MAP4: variants seen among roughly 807,000 people sequenced by gnomAD.
MAP4 encodes the protein microtubule associated protein 4, also known as microtubule-associated protein 4.
A neutral mutation model predicts 170.2 loss-of-function variants in MAP4; 76 were observed. The ratio of observed to expected loss-of-function variants is 0.45; its 90% CI spans 0.37 to 0.54. The LOEUF (loss-of-function observed/expected upper bound fraction) is 0.54, where lower values mean the gene tolerates loss of function less well. Among genes scored for constraint, MAP4 ranks in the 20% least tolerant of loss-of-function variants. The pLI is 0.00. For missense variants in MAP4, 2,506 were observed against 2,748.0 expected (o/e 0.91, Z 1.97); for synonymous variants, 909 against 994.5 (o/e 0.91, Z 1.62).
intron 3 of MAP4, among the ~76,000 whole-genome samples, chr3:47,972,623 A>C (rs1047381927): frequency 7.9e-5 from 12 of 152,228 alleles, no homozygotes; most frequent in Admixed American, 7.9e-4. Flanking sequence ...GCGGTGGCTC[A>C]CGCCTGTAAT....
Position 47,858,490 on chromosome 3 carries a change from T to A in MAP4, c.6502-978A>T, listed in dbSNP as rs886790614. On this transcript the variant is annotated intron_variant, in intron 17 of 20. Transcript: ENST00000683076. ...AATATCCCCTTTATTCCATCTCAAA[T>A]CCTTACCTATCAACTCCTTGCCCAG... Among the ~76,000 whole-genome samples the A allele has an allele frequency of 5.3e-5, 8 of 152,002 alleles. No homozygotes were observed. In the East Asian group the frequency reaches 1.5e-3, roughly 29 times the overall value.
chr3:47,946,689 A>G (rs955222865), intron 3 of MAP4, among the ~76,000 whole-genome samples: 23 of 150,078 alleles, frequency 1.5e-4, no homozygotes, highest in African/African-American at 5.6e-4. Flanking sequence ...AGAAGCAACT[A>G]TTAACAATTA....
chr3:47,912,129 T>G lies in MAP4; in HGVS notation c.2292A>C (p.Thr764=), dbSNP rs937376516. ...LGREAWDIES[T]PIMMKKKKKK... Reference sequence around the variant, plus strand: ...TCTTCTTTTTCTTCATCATTATTGGTGTGCTTTCTATATCCCAGGCCTCCC... The same window carrying G: ...TCTTCTTTTTCTTCATCATTATTGGGGTGCTTTCTATATCCCAGGCCTCCC... The change falls in exon 9 of 21, where the codon ACA becomes ACC. Residue 764 remains threonine (T), a synonymous_variant. Transcript: ENST00000683076. The G allele has an allele frequency of 6.5e-7, 1 of 1,536,086 alleles. No homozygotes were observed. Among genetic ancestry groups the G allele is most frequent in the South Asian group, 1.2e-5 (1 of 84,066 alleles).
chr3:47,944,736 C>T (rs1449120745), intron 3 of MAP4, among the ~76,000 whole-genome samples: 1 of 151,766 alleles, frequency 6.6e-6, no homozygotes, highest in Non-Finnish European at 1.5e-5. Flanking sequence ...TCTCTGGCAT[C>T]TTTAAAACAC....
At chr3:47,997,352 A>AAAAAAAAAAAAAAAAAAAAT in intron 2 of MAP4, among the ~76,000 whole-genome samples, 1 of 148,790 alleles carries the variant, frequency 6.7e-6, no homozygotes, top group Non-Finnish European at 1.5e-5. Context: ...AAAAGATAAA[A>AAAAAAAAAAAAAAAAAAAAT]TCTTAAAGGC....
chr3:47,892,613 C>T, intron 10 of MAP4: 5 of 1,422,080 alleles, frequency 3.5e-6, no homozygotes, highest in Non-Finnish European at 4.6e-6. Flanking sequence ...TTCATCTCTC[C>T]CTCAATGCCC....
At chr3:47,954,921 G>A (rs2100066754) in intron 3 of MAP4, among the ~76,000 whole-genome samples, 1 of 152,162 alleles carries the variant, frequency 6.6e-6, no homozygotes, top group South Asian at 2.1e-4. Context: ...ACTGATAAGA[G>A]TCATTTTAAT....
At chr3:47,963,725 G>A (rs1311268583) in intron 3 of MAP4, among the ~76,000 whole-genome samples, 2 of 152,170 alleles carry the variant, frequency 1.3e-5, no homozygotes, top group African/African-American at 4.8e-5. Context: ...CAAAACAAAA[G>A]CCCTGTCCCT....
chr3:48,030,747 C>T (rs1183905714), intron 1 of MAP4, among the ~76,000 whole-genome samples: 1 of 132,986 alleles, frequency 7.5e-6, no homozygotes, highest in Non-Finnish European at 1.5e-5. Context: ...AGCACTGAGC[C>T]GAGATTGTAC....
At chr3:48,058,920 C>A (rs764620238) in intron 1 of MAP4, among the ~76,000 whole-genome samples, 1 of 152,076 alleles carries the variant, frequency 6.6e-6, no homozygotes, top group Non-Finnish European at 1.5e-5. Context: ...GCTGAGATTA[C>A]AGGCGTGCAC....
At chr3:47,982,437 T>C (rs1339449258) in intron 2 of MAP4, among the ~76,000 whole-genome samples, 2 of 152,222 alleles carry the variant, frequency 1.3e-5, no homozygotes, top group East Asian at 1.9e-4. Flanking sequence ...CTTGTTCGTA[T>C]ATTTTTAAAC....
At chr3:48,027,267 T>C (rs537061070) in intron 1 of MAP4, among the ~76,000 whole-genome samples, 37 of 152,308 alleles carry the variant, frequency 2.4e-4, no homozygotes, top group African/African-American at 8.4e-4. Context: ...TCTCAAATTT[T>C]AAAACTCAGA....
intron 10 of MAP4, among the ~76,000 whole-genome samples, chr3:47,880,249 C>T (rs1360070743): frequency 3.4e-5 from 5 of 148,148 alleles, no homozygotes; most frequent in Non-Finnish European, 5.9e-5. Context: ...CCCGCCACCA[C>T]ACCTGGCTAA....
chr3:47,863,944 TGGTGGGGG>T (rs2074520190), intron 17 of MAP4, among the ~76,000 whole-genome samples: 9 of 86,334 alleles, frequency 1.0e-4, no homozygotes, highest in South Asian at 3.7e-4. Context: ...GTGTGGGGAG[TGGTGGGGG>T]GTGTAATGCT....
Position 47,910,979 on chromosome 3 carries a change from G to A in MAP4, c.3442C>T (p.Pro1148Ser), listed in dbSNP as rs2100035687. The change falls in exon 9 of 21, where the codon CCT becomes TCT. Residue 1148 changes from proline (P) to serine (S), a missense_variant. This residue lies in a region of MAP4 where 2,008 missense variants were observed against 2,206.0 expected (regional missense o/e 0.91). Transcript: ENST00000683076. Reference protein sequence around the residue: ...VMGEPKEMTQPKVAGTMQALI... With the variant: ...VMGEPKEMTQSKVAGTMQALI... ...GCCTGCATGGTGCCTGCCACCTTAG[G>A]CTGAGTCATCTCTTTAGGCTCCCCC... The A allele has an allele frequency of 7.2e-6, 11 of 1,536,132 alleles. No individual in the cohort carries two copies. Among genetic ancestry groups the A allele is most frequent in the South Asian group, 1.2e-5 (1 of 84,062 alleles).
intron 1 of MAP4, among the ~76,000 whole-genome samples, chr3:48,012,325 G>A (rs1227746882): frequency 1.3e-5 from 2 of 152,054 alleles, no homozygotes; most frequent in African/African-American, 4.8e-5. Context: ...TGATGTCCAC[G>A]TGCCTAATTC....
At chr3:47,880,259 ATTTTTT>A (rs35700801) in intron 10 of MAP4, among the ~76,000 whole-genome samples, 2 of 106,368 alleles carry the variant, frequency 1.9e-5, no homozygotes, top group East Asian at 5.2e-4. Context: ...CACCTGGCTA[ATTTTTT>A]TTTTTTTTTT....
rs1385329093 is a variant in MAP4 at position 47,850,858 on chromosome 3, C to T, written c.*2076G>A. The T allele has an allele frequency of 6.7e-6, 1 of 148,422 alleles. No homozygotes were observed. The highest frequency in any genetic ancestry group is 2.6e-5 in the African/African-American group (1 of 39,028). 9.2% of individuals were successfully genotyped at this position (148,422 alleles called of 1,614,324 possible). ...CATCACACAGGGCCTCTGGTCCCGG[C>T]CTTCTCAGGTGCTCTGGAGTGGAGG... On this transcript the variant is annotated 3_prime_UTR_variant, in exon 21 of 21. Coordinates refer to ENST00000683076, the MANE Select transcript of MAP4 (RefSeq NM_001385682.1).
intron 1 of MAP4, among the ~76,000 whole-genome samples, chr3:48,061,317 C>A (rs1007557688): frequency 1.5e-5 from 2 of 134,774 alleles, no homozygotes; most frequent in South Asian, 5.5e-4. Flanking sequence ...CTCAGCCTGC[C>A]GAGTGCCTGC....
Sources: gnomAD v4.1 joint callset for allele counts (sites outside exome capture counted in the v4.1 genomes callset) on GRCh38, gnomAD v4.1.1 for gene constraint, gnomAD v4.1.1 regional missense constraint, MANE v1.5 for transcripts, NCBI Gene and HGNC (gene_info 2026-07-23, HGNC 2026-07-21) for gene names.